CUX1: variants seen among roughly 807,000 people sequenced by gnomAD.
CUX1 encodes the protein cut like homeobox 1, also known as protein CASP.
CUX1 carries 31 observed loss-of-function variants against 158.8 expected under a neutral mutation model. The observed-to-expected ratio is 0.20, with a 90% CI of 0.15 to 0.26. CUX1 has a LOEUF of 0.26. Among genes scored for constraint, CUX1 ranks in the 10% least tolerant of loss-of-function variants. The probability of loss-of-function intolerance (pLI) is 1.00; values close to 1 mark genes in which losing one functional copy is unlikely to be tolerated. For synonymous variants in CUX1, 879 were observed against 862.1 expected (o/e 1.02, Z -0.34); for missense variants, 1,589 against 2,014.6 (o/e 0.79, Z 4.04).
In CUX1 at chr7:102,241,322, A is replaced by T. The variant is rs1222695794; in HGVS notation, c.3887+1738A>T. 2.0e-5 allele frequency among the ~76,000 whole-genome samples: 3 copies of T among 152,132 alleles called. No homozygotes were observed. The East Asian group carries it at 5.8e-4, about 29-fold the overall frequency. On this transcript the variant is annotated intron_variant, in intron 23 of 23. Transcript: ENST00000292535. ...AGAAACCAAGAATTCCAGGGCCCTGATGGAGATCCCTAAGCTAGTGCCTTG... is the reference window on the plus strand; with the variant it reads ...AGAAACCAAGAATTCCAGGGCCCTGTTGGAGATCCCTAAGCTAGTGCCTTG...
chr7:102,159,006 G>C (rs55825712), intron 9 of CUX1, among the ~76,000 whole-genome samples: 1 of 151,558 alleles, frequency 6.6e-6, no homozygotes, highest in African/African-American at 2.4e-5. Flanking sequence ...GTTATCCTAG[G>C]AGAGTTCCTT....
intron 10 of CUX1, 26 bp downstream of exon 10, chr7:102,170,576 A>T (rs1791598243): frequency 4.6e-6 from 7 of 1,515,376 alleles, no homozygotes; most frequent in Non-Finnish European, 6.3e-6. Flanking sequence ...CCCGTGGGGG[A>T]CTGTCCCCGC....
At chr7:102,268,319 C>A (rs189474247) in intron 14 of CUX1, among the ~76,000 whole-genome samples, 1 of 152,330 alleles carries the variant, frequency 6.6e-6, no homozygotes, top group East Asian at 1.9e-4. Context: ...TCGGGCTGTG[C>A]CTTGCAGCCC....
At chr7:101,871,755 C>T (rs1333741426) in intron 1 of CUX1, among the ~76,000 whole-genome samples, 2 of 152,224 alleles carry the variant, frequency 1.3e-5, no homozygotes, top group South Asian at 4.1e-4. Context: ...CCGTGGCTCT[C>T]GCCTGTAATC....
At chr7:102,072,070 G>C (rs1286569807) in intron 4 of CUX1, among the ~76,000 whole-genome samples, 3 of 152,340 alleles carry the variant, frequency 2.0e-5, no homozygotes, top group Middle Eastern at 6.8e-3. Flanking sequence ...TACCACTGGA[G>C]GGTGTCCAGG....
chr7:102,175,948 A>C (rs1428112327), intron 10 of CUX1, among the ~76,000 whole-genome samples: 1 of 152,258 alleles, frequency 6.6e-6, no homozygotes, highest in African/African-American at 2.4e-5. Context: ...CTCACTGTGC[A>C]CCAGCAACAG....
At position 102,255,356 on chromosome 7, in the gene CUX1, A is replaced by C; in HGVS notation, c.*6314A>C. 3.1e-6 allele frequency: 3 copies of C among 982,422 alleles called. No homozygotes were observed. The highest frequency in any genetic ancestry group is 3.6e-6 in the Non-Finnish European group (3 of 829,558). 60.9% of individuals were successfully genotyped at this position (982,422 alleles called of 1,614,324 possible). A position where few individuals can be genotyped will look rare whatever the true frequency, so the allele number is the denominator to read the frequency against. Reference sequence around the variant, plus strand: ...TAGTCTCCTCCAAAATGCTAACTTTAAAAGTTGGGCATTGTAGGCGAAAAA... The same window carrying C: ...TAGTCTCCTCCAAAATGCTAACTTTCAAAGTTGGGCATTGTAGGCGAAAAA... On this transcript the variant is annotated 3_prime_UTR_variant, in exon 24 of 24. Coordinates refer to ENST00000292535, the MANE Select transcript of CUX1 (RefSeq NM_181552.4).
chr7:102,147,315 C>T (rs1455145453), intron 8 of CUX1, among the ~76,000 whole-genome samples: 1 of 152,198 alleles, frequency 6.6e-6, no homozygotes, highest in Non-Finnish European at 1.5e-5. Flanking sequence ...AAAACACTCT[C>T]TCCTCCCCTC....
chr7:102,031,460 T>G (rs1820775090), intron 3 of CUX1, among the ~76,000 whole-genome samples: 10 of 152,178 alleles, frequency 6.6e-5, no homozygotes, highest in Admixed American at 6.6e-4. Flanking sequence ...TGGGTTTGAT[T>G]CCTGATACCT....
intron 2 of CUX1, among the ~76,000 whole-genome samples, chr7:102,000,525 T>C (rs1357641729): frequency 6.6e-6 from 1 of 152,244 alleles, no homozygotes; most frequent in Non-Finnish European, 1.5e-5. Context: ...CCATTGACAT[T>C]GGAAAACATT....
intron 21 of CUX1, 91 bp downstream of exon 21, chr7:102,227,760 CAGAGTCTCAACT>C (rs1798495563): frequency 3.0e-6 from 4 of 1,341,818 alleles, no homozygotes; most frequent in Non-Finnish European, 3.1e-6. Context: ...AAGCCAACCA[CAGAGTCTCAACT>C]TGTGTAGGCA....
At position 102,251,794 on chromosome 7, in the gene CUX1, A is replaced by G. The variant is rs1801538431; in HGVS notation, c.*2752A>G. On this transcript the variant is annotated 3_prime_UTR_variant, in exon 24 of 24. Transcript: ENST00000292535. ...TCTAATTTTCATAAGAATGAAAAGA[A>G]GTTAACAGGAAATAGTAGGCTAGGG... The G allele has an allele frequency of 1.0e-6, 1 of 985,418 alleles. No homozygotes were observed. The highest frequency in any genetic ancestry group is 1.2e-6 in the Non-Finnish European group (1 of 829,910). 61.0% of individuals were successfully genotyped at this position (985,418 alleles called of 1,614,324 possible).
chr7:101,991,143 G>A (rs1395792465), intron 2 of CUX1, among the ~76,000 whole-genome samples: 3 of 152,128 alleles, frequency 2.0e-5, no homozygotes, highest in African/African-American at 7.2e-5. Context: ...TCCCCCGGGT[G>A]GCTTATGAGA....
chr7:102,278,657 A>AAAAATAAAATAT (rs1554548372), intron 18 of CUX1, among the ~76,000 whole-genome samples: 128 of 98,974 alleles, frequency 1.3e-3, no homozygotes, highest in African/African-American at 1.4e-3. Flanking sequence ...AATAAAATAA[A>AAAAATAAAATAT]AAAATAAAAT....
chr7:101,853,627 G>C (rs1005867784), intron 1 of CUX1, among the ~76,000 whole-genome samples: 2 of 149,672 alleles, frequency 1.3e-5, no homozygotes, highest in South Asian at 4.2e-4. Flanking sequence ...GTGTGTCGGG[G>C]TAAAGAGCAG....
intron 8 of CUX1, among the ~76,000 whole-genome samples, chr7:102,123,725 C>T (rs782424193): frequency 2.6e-5 from 4 of 151,834 alleles, no homozygotes; most frequent in South Asian, 2.1e-4. Context: ...TACAGTGATG[C>T]GATCTTGGCT....
chr7:102,051,078 C>T (rs578143799), intron 3 of CUX1, among the ~76,000 whole-genome samples: 1 of 152,228 alleles, frequency 6.6e-6, no homozygotes, highest in South Asian at 2.1e-4. Flanking sequence ...GTCCCTTGCA[C>T]CTCCCTCCAC....
chr7:102,042,082 A>G (rs1265392932), intron 3 of CUX1, among the ~76,000 whole-genome samples: 2 of 151,768 alleles, frequency 1.3e-5, no homozygotes, highest in Non-Finnish European at 2.9e-5. Context: ...GTGTCTTTGT[A>G]CCTGTTTCTG....
chr7:102,027,451 C>A (rs1230328891), intron 2 of CUX1, among the ~76,000 whole-genome samples: 1 of 152,162 alleles, frequency 6.6e-6, no homozygotes, highest in African/African-American at 2.4e-5. Context: ...GCAAACCCCC[C>A]ATTCTAGTCT....
Sources: gnomAD v4.1 joint callset for allele counts (sites outside exome capture counted in the v4.1 genomes callset) on GRCh38, gnomAD v4.1.1 for gene constraint, MANE v1.5 for transcripts, NCBI Gene and HGNC (gene_info 2026-07-23, HGNC 2026-07-21) for gene names.